Variants in DENND1A observed in about 807,000 individuals in gnomAD.
DENND1A encodes the protein DENN domain containing 1A.
Under a neutral mutation model 113.7 loss-of-function variants are expected in DENND1A, and 51 were observed. That is an observed-to-expected ratio of 0.45 (90% confidence interval 0.36 to 0.57). The LOEUF (loss-of-function observed/expected upper bound fraction) is 0.57, where lower values mean the gene tolerates loss of function less well. Among genes scored for constraint, DENND1A ranks in the 20% least tolerant of loss-of-function variants. DENND1A has a pLI of 0.00. For missense variants in DENND1A, 1,258 were observed against 1,395.9 expected, an observed-to-expected ratio of 0.90 and a Z score of 1.57; for synonymous variants, 565 against 570.8, an observed-to-expected ratio of 0.99 and a Z score of 0.14.
intron 9 of DENND1A, among the ~76,000 whole-genome samples, chr9:123,646,278 G>A (rs978685979): frequency 8.5e-5 from 13 of 152,138 alleles, no homozygotes; most frequent in African/African-American, 3.1e-4. Flanking sequence ...TAGTGGACAG[G>A]TGGGGACTGA....
intron 19 of DENND1A, among the ~76,000 whole-genome samples, chr9:123,416,415 T>C (rs28549297): frequency 0.2 from 30,360 of 152,196 alleles, 3,201 homozygotes; most frequent in South Asian, 0.25. Context: ...ACCGCTTGAG[T>C]GCTCTTTCCA....
rs565312477 is a variant in DENND1A, at chr9:123,859,286, G to C, written c.88+19665C>G. Among the ~76,000 whole-genome samples the C allele has an allele frequency of 8.5e-4, 129 of 152,074 alleles. 1 individual carries two copies. Among genetic ancestry groups the C allele is most frequent in the African/African-American group, 3.0e-3 (124 of 41,474 alleles). ...AAAACACAAATCTATCTATATCCAT[G>C]AACACTTTCTCTTCATTTACAGGAC... On this transcript the variant is annotated intron_variant, in intron 2 of 23. Coordinates refer to ENST00000394215, the MANE Select transcript of DENND1A (RefSeq NM_001352964.2).
At chr9:123,644,518 A>C (rs1447025063) in intron 9 of DENND1A, among the ~76,000 whole-genome samples, 2 of 150,390 alleles carry the variant, frequency 1.3e-5, no homozygotes, top group Non-Finnish European at 3.0e-5. Flanking sequence ...TCTTTACAAG[A>C]ATTTTCAAAT....
chr9:123,571,365 C>T lies in DENND1A; in HGVS notation c.867+11804G>A, dbSNP rs559144067. On this transcript the variant is annotated intron_variant, in intron 12 of 23. Coordinates refer to ENST00000394215, the MANE Select transcript of DENND1A (RefSeq NM_001352964.2). Reference sequence around the variant, plus strand: ...AAAAGCACAGTCCAGTGAGTTTTGACCAATGTCTACACGTGTGTAACCACC... The same window carrying T: ...AAAAGCACAGTCCAGTGAGTTTTGATCAATGTCTACACGTGTGTAACCACC... 5.3e-5 allele frequency among the ~76,000 whole-genome samples: 8 copies of T among 152,314 alleles called. No homozygotes were observed. The South Asian group carries it at 1.5e-3, about 28-fold the overall frequency.
chr9:123,614,136 G>C (rs760977480), intron 10 of DENND1A, among the ~76,000 whole-genome samples: 1 of 152,158 alleles, frequency 6.6e-6, no homozygotes, highest in Non-Finnish European at 1.5e-5. Context: ...ATATTTTCAG[G>C]TTAGGAAACA....
chr9:123,481,589 C>T (rs2050341232), intron 13 of DENND1A, among the ~76,000 whole-genome samples: 1 of 152,140 alleles, frequency 6.6e-6, no homozygotes, highest in South Asian at 2.1e-4. Context: ...GTCCTACCAG[C>T]CACCTGCCAT....
intron 13 of DENND1A, among the ~76,000 whole-genome samples, chr9:123,548,621 A>G (rs1054922660): frequency 1.3e-5 from 2 of 152,222 alleles, no homozygotes; most frequent in Admixed American, 6.5e-5. Context: ...ACACACATTC[A>G]CAGCAGCACT....
intron 12 of DENND1A, among the ~76,000 whole-genome samples, chr9:123,557,970 C>T (rs1006368634): frequency 6.0e-5 from 9 of 149,382 alleles, no homozygotes; most frequent in South Asian, 2.1e-4. Context: ...CCAGCCTGGG[C>T]GACAGAGAGA....
intron 13 of DENND1A, among the ~76,000 whole-genome samples, chr9:123,483,129 G>C (rs567312159): frequency 1.3e-5 from 2 of 152,298 alleles, no homozygotes; most frequent in Admixed American, 1.3e-4. Flanking sequence ...GACAAGAGTT[G>C]ACTTGGATGC....
At chr9:123,393,980 T>C (rs1179030213) in intron 21 of DENND1A, among the ~76,000 whole-genome samples, 1 of 136,832 alleles carries the variant, frequency 7.3e-6, no homozygotes, top group African/African-American at 2.8e-5. Flanking sequence ...ATTTGGGAGG[T>C]GATGTGGGAG....
chr9:123,856,909 G>A (rs754764059), intron 2 of DENND1A, among the ~76,000 whole-genome samples: 8 of 152,102 alleles, frequency 5.3e-5, no homozygotes, highest in Non-Finnish European at 1.0e-4. Context: ...CACAGTTGAA[G>A]AGAGAAGTTA....
At chr9:123,793,961 T>G (rs1833391290) in intron 2 of DENND1A, among the ~76,000 whole-genome samples, 1 of 152,234 alleles carries the variant, frequency 6.6e-6, no homozygotes, top group African/African-American at 2.4e-5. Flanking sequence ...AATCAATTTC[T>G]TTCTTCACCC....
chr9:123,891,212 T>C (rs1849851132), intron 1 of DENND1A, among the ~76,000 whole-genome samples: 1 of 152,188 alleles, frequency 6.6e-6, no homozygotes, highest in Admixed American at 6.5e-5. Flanking sequence ...AGCTCCTCTC[T>C]CCTTCATGGT....
chr9:123,574,015 C>T (rs1327680997), intron 12 of DENND1A, among the ~76,000 whole-genome samples: 1 of 150,916 alleles, frequency 6.6e-6, no homozygotes, highest in East Asian at 1.9e-4. Flanking sequence ...TTTTCCTTTT[C>T]AGTTTACTGA....
At chr9:123,496,422 T>C (rs183920953) in intron 13 of DENND1A, among the ~76,000 whole-genome samples, 4 of 152,326 alleles carry the variant, frequency 2.6e-5, no homozygotes, top group Admixed American at 6.5e-5. Context: ...AGGACATGCA[T>C]GGTAAGGGTT....
intron 11 of DENND1A, among the ~76,000 whole-genome samples, chr9:123,608,073 A>G (rs774571226): frequency 1.7e-4 from 26 of 152,194 alleles, no homozygotes; most frequent in Admixed American, 3.3e-4. Context: ...AATCTCTTCA[A>G]TCTGATCTAA....
At chr9:123,424,420 T>C (rs187487727) in intron 19 of DENND1A, among the ~76,000 whole-genome samples, 10 of 152,272 alleles carry the variant, frequency 6.6e-5, no homozygotes, top group Admixed American at 5.2e-4. Flanking sequence ...CCTAAATGTC[T>C]CTAGGATGAT....
rs538506192 is a variant in DENND1A, at chr9:123,926,690, G to A, written c.17+3199C>T. Among the ~76,000 whole-genome samples the A allele has an allele frequency of 5.4e-5, 8 of 148,190 alleles. No individual in the cohort carries two copies. In the South Asian group the frequency reaches 1.5e-3, roughly 28 times the overall value. On this transcript the variant is annotated intron_variant, in intron 1 of 23. Coordinates refer to ENST00000394215, the MANE Select transcript of DENND1A (RefSeq NM_001352964.2). ...TCCTCAAGGGTTTTTTTTTTAACTCGATAAACACTCAACTCGGTCTTAATT... is the reference window on the plus strand; with the variant it reads ...TCCTCAAGGGTTTTTTTTTTAACTCAATAAACACTCAACTCGGTCTTAATT...
At chr9:123,922,525 T>G (rs1190733010) in intron 1 of DENND1A, among the ~76,000 whole-genome samples, 3 of 152,210 alleles carry the variant, frequency 2.0e-5, no homozygotes, top group Admixed American at 6.5e-5. Context: ...GCCAGAGATA[T>G]CACTGTTCTA....
Sources: gnomAD v4.1 joint callset for allele counts (sites outside exome capture counted in the v4.1 genomes callset) on GRCh38, gnomAD v4.1.1 for gene constraint, MANE v1.5 for transcripts, NCBI Gene and HGNC (gene_info 2026-07-23, HGNC 2026-07-21) for gene names.